Variants in CUX1 observed in about 807,000 individuals in gnomAD.
CUX1 encodes the protein protein CASP.
CUX1 carries 31 observed loss-of-function variants against 158.8 expected under a neutral mutation model. The ratio of observed to expected loss-of-function variants is 0.20; its 90% CI spans 0.15 to 0.26. The LOEUF (loss-of-function observed/expected upper bound fraction) is 0.26. Among genes scored for constraint, CUX1 ranks in the 10% least tolerant of loss-of-function variants. The pLI is 1.00. For synonymous variants in CUX1, 879 were observed against 862.1 expected (o/e 1.02, Z -0.34); for missense variants, 1,589 against 2,014.6 (o/e 0.79, Z 4.04).
rs67714464 is a variant in CUX1 at position 101,898,585 on chromosome 7, CTTTTTTTTTTTT to C, written c.31-17518_31-17507del. Among the ~76,000 whole-genome samples, 5 of 115,456 alleles carry C rather than the reference CTTTTTTTTTTTT, an allele frequency of 4.3e-5. No individual in the cohort carries two copies. The South Asian group carries it at 1.1e-3, about 26-fold the overall frequency. 75.7% of individuals were successfully genotyped at this position (115,456 alleles called of 152,430 possible). A position where few individuals can be genotyped will look rare whatever the true frequency, so the allele number is the denominator to read the frequency against. On this transcript the variant is annotated intron_variant, in intron 1 of 23. Coordinates refer to ENST00000292535, the MANE Select transcript of CUX1 (RefSeq NM_181552.4). ...TTCTTGTTTCTTTCCATTTCTGTGT[CTTTTTTTTTTTT>C]TTTTTTTTTTTGAGACAGAGTCTTG...
intron 3 of CUX1, among the ~76,000 whole-genome samples, chr7:102,037,533 G>A (rs1156655306): frequency 1.3e-5 from 2 of 151,388 alleles, no homozygotes; most frequent in Non-Finnish European, 2.9e-5. Flanking sequence ...TGTATTTTTA[G>A]TAGAGACAGG....
intron 14 of CUX1, among the ~76,000 whole-genome samples, chr7:102,195,807 C>A (rs1244054485): frequency 2.0e-5 from 3 of 152,152 alleles, no homozygotes; most frequent in Non-Finnish European, 4.4e-5. Flanking sequence ...AGCTGGATGT[C>A]GAGACGGGCC....
intron 1 of CUX1, among the ~76,000 whole-genome samples, chr7:101,857,953 T>A (rs1286132125): frequency 2.0e-5 from 3 of 152,050 alleles, no homozygotes. Flanking sequence ...TGAAACCCCG[T>A]CTCTACTAAA....
chr7:101,837,004 C>T (rs971462873), intron 1 of CUX1, among the ~76,000 whole-genome samples: 2 of 152,214 alleles, frequency 1.3e-5, no homozygotes, highest in African/African-American at 4.8e-5. Context: ...TTTCCTCATC[C>T]TTTGTAGTTG....
rs1309459760 is a variant in CUX1, at chr7:101,984,131, CACACACACAT to C, written c.142-43965_142-43956del. 2.1e-3 allele frequency among the ~76,000 whole-genome samples: 55 copies of C among 25,724 alleles called. 9 individuals are homozygous for C. The South Asian group carries it at 0.032, about 15-fold the overall frequency. 16.9% of individuals were successfully genotyped at this position (25,724 alleles called of 152,430 possible). ...ATATATATATATATATATATATATA[CACACACACAT>C]ATATATATGTGTGTGTGTGTGTGTG... On this transcript the variant is annotated intron_variant, in intron 2 of 23. Coordinates refer to ENST00000292535, the MANE Select transcript of CUX1 (RefSeq NM_181552.4).
At chr7:102,032,593 C>T (rs1480726378) in intron 3 of CUX1, among the ~76,000 whole-genome samples, 2 of 152,010 alleles carry the variant, frequency 1.3e-5, no homozygotes, top group Admixed American at 6.6e-5. Context: ...CAGTTGAACT[C>T]GGGAGGCAGA....
At chr7:102,220,487 G>T (rs1489152389) in intron 20 of CUX1, among the ~76,000 whole-genome samples, 1 of 152,256 alleles carries the variant, frequency 6.6e-6, no homozygotes, top group Non-Finnish European at 1.5e-5. Context: ...TCCGGAGCAG[G>T]TCTGGTGCCC....
chr7:101,915,191 G>A (rs1250776306), intron 1 of CUX1, among the ~76,000 whole-genome samples: 1 of 152,190 alleles, frequency 6.6e-6, no homozygotes. Flanking sequence ...CGACAGCAGT[G>A]TGTCCTTGGG....
At chr7:102,050,952 G>A (rs1284548508) in intron 3 of CUX1, among the ~76,000 whole-genome samples, 2 of 151,948 alleles carry the variant, frequency 1.3e-5, no homozygotes, top group East Asian at 1.9e-4. Context: ...CTCTTTCCTG[G>A]TCTGGTCTGT....
chr7:102,066,943 C>T lies in CUX1; in HGVS notation c.190-3396C>T, dbSNP rs558121851. On this transcript the variant is annotated intron_variant, in intron 3 of 23. Transcript: ENST00000292535. ...CTTACGTATAGGCTGATTTCAAGTACGTACATACACACACGCGTTTTAAGC... is the reference window on the plus strand; with the variant it reads ...CTTACGTATAGGCTGATTTCAAGTATGTACATACACACACGCGTTTTAAGC... Among the ~76,000 whole-genome samples, 17 of 152,312 alleles carry T rather than the reference C, an allele frequency of 1.1e-4. No individual in the cohort carries two copies. The South Asian group carries it at 2.5e-3, about 22-fold the overall frequency.
intron 21 of CUX1, among the ~76,000 whole-genome samples, chr7:102,230,199 T>G (rs1390026185): frequency 6.6e-6 from 1 of 152,000 alleles, no homozygotes; most frequent in Non-Finnish European, 1.5e-5. Flanking sequence ...GTGGCTCACT[T>G]GAGAATGACA....
chr7:102,029,092 A>C (rs1041183275), intron 3 of CUX1, among the ~76,000 whole-genome samples: 5 of 148,232 alleles, frequency 3.4e-5, no homozygotes, highest in Admixed American at 2.8e-4. Flanking sequence ...TCCCAGGTTC[A>C]AGTGATTCTC....
intron 18 of CUX1, chr7:102,279,985 C>G: frequency 2.4e-6 from 3 of 1,262,228 alleles, no homozygotes; most frequent in Non-Finnish European, 3.4e-6. Context: ...CCTGCCCTTC[C>G]CGCTGGGCCC....
intron 1 of CUX1, among the ~76,000 whole-genome samples, chr7:101,866,094 G>A (rs1180089576): frequency 6.6e-6 from 1 of 152,156 alleles, no homozygotes; most frequent in East Asian, 1.9e-4. Flanking sequence ...GGAGGCTGAG[G>A]TGGGAGGATT....
intron 2 of CUX1, among the ~76,000 whole-genome samples, chr7:101,958,075 T>C (rs1268179080): frequency 6.6e-6 from 1 of 152,170 alleles, no homozygotes; most frequent in Non-Finnish European, 1.5e-5. Context: ...TGCTGGAACA[T>C]GTTTCTGGAA....
intron 9 of CUX1, among the ~76,000 whole-genome samples, chr7:102,169,256 A>G (rs1303961946): frequency 2.0e-5 from 3 of 151,958 alleles, no homozygotes; most frequent in East Asian, 3.9e-4. Context: ...TTTAGTAGAG[A>G]TATGGTTTCA....
intron 8 of CUX1, among the ~76,000 whole-genome samples, chr7:102,156,664 A>T (rs1455598812): frequency 6.6e-6 from 1 of 152,102 alleles, no homozygotes; most frequent in Non-Finnish European, 1.5e-5. Flanking sequence ...TCTCACTTGG[A>T]CGTGCCTCCT....
intron 2 of CUX1, among the ~76,000 whole-genome samples, chr7:102,018,938 G>A (rs963235064): frequency 6.6e-6 from 1 of 152,166 alleles, no homozygotes; most frequent in Non-Finnish European, 1.5e-5. Context: ...AACAAGAATA[G>A]TTTTGACCTT....
chr7:102,111,708 G>A lies in CUX1; in HGVS notation c.541G>A (p.Glu181Lys), dbSNP rs142863665. The A allele has an allele frequency of 1.9e-5, 30 of 1,614,070 alleles. No individual in the cohort carries two copies. In the African/African-American group the frequency reaches 3.9e-4, roughly 21 times the overall value. Residue 181 changes from glutamate to lysine, a missense_variant, in exon 7 of 24, where the codon GAG becomes AAG. By Grantham distance (56) the Glu-to-Lys change is moderately conservative (BLOSUM62 1). Around this residue, in one of 8 missense-constraint regions of CUX1, gnomAD observed 515 missense variants for 574.4 expected, o/e 0.90. Transcript: ENST00000292535. ...DFAEKERKLQ[E>K]TQMSTTSKLE... Reference sequence around the variant, plus strand: ...CCTCTTCCTTTGCAGAAAGCTGCAGGAGACACAGATGTCCACCACCTCAAA... The same window carrying A: ...CCTCTTCCTTTGCAGAAAGCTGCAGAAGACACAGATGTCCACCACCTCAAA...
Sources: gnomAD v4.1 joint callset for allele counts (sites outside exome capture counted in the v4.1 genomes callset) on GRCh38, gnomAD v4.1.1 for gene constraint, gnomAD v4.1.1 regional missense constraint, MANE v1.5 for transcripts, NCBI Gene and HGNC (gene_info 2026-07-23, HGNC 2026-07-21) for gene names.